The following FUBP3 variants were observed in gnomAD, a reference collection of about 807,000 sequenced individuals.
The protein encoded by FUBP3 is far upstream element binding protein 3.
FUBP3 carries 28 observed loss-of-function variants against 85.6 expected under a neutral mutation model. That is an observed-to-expected ratio of 0.33 (90% confidence interval 0.24 to 0.45). The LOEUF (loss-of-function observed/expected upper bound fraction) is 0.45. Ranked by LOEUF, FUBP3 falls within the 20% of genes least tolerant of loss-of-function variation. FUBP3 has a pLI of 1.00. For missense variants in FUBP3, 583 were observed against 755.1 expected (o/e 0.77, Z 2.67); for synonymous variants, 271 against 271.4 (o/e 1.00, Z 0.01).
In FUBP3 at chr9:130,579,734, C is replaced by T; in HGVS notation, c.54C>T (p.Gly18=). The change falls in exon 1 of 19, where the codon GGC becomes GGT. Residue 18 remains glycine (G), a synonymous_variant. Coordinates refer to ENST00000319725, the MANE Select transcript of FUBP3 (RefSeq NM_003934.2). ...CTCCTGTGGGGATGAAGGCCGAGGG[C>T]TTCGTGGATGCCCTGCACCGGGTCC... ...QSAPVGMKAE[G]FVDALHRVRQ... is the part of the protein sequence containing the mutation. 4 of 1,280,930 alleles carry T rather than the reference C, an allele frequency of 3.1e-6. No individual in the cohort carries two copies. The highest frequency in any genetic ancestry group is 3.0e-6 in the Non-Finnish European group (3 of 1,010,466). 79.3% of individuals were successfully genotyped at this position (1,280,930 alleles called of 1,614,324 possible). A position where few individuals can be genotyped will look rare whatever the true frequency, so the allele number is the denominator to read the frequency against.
chr9:130,586,329 T>C (rs1336911033), intron 1 of FUBP3, among the ~76,000 whole-genome samples: 1 of 152,178 alleles, frequency 6.6e-6, no homozygotes, highest in Admixed American at 6.5e-5. Context: ...TTGTAAGTGG[T>C]TTTATCTTAT....
chr9:130,624,255 A>G, intron 11 of FUBP3, among the ~76,000 whole-genome samples: 1 of 152,254 alleles, frequency 6.6e-6, no homozygotes, highest in East Asian at 1.9e-4. Context: ...CAGCTCTGCC[A>G]TCAGTCATGT....
chr9:130,582,331 A>G (rs1280729708), intron 1 of FUBP3, among the ~76,000 whole-genome samples: 1 of 152,144 alleles, frequency 6.6e-6, no homozygotes, highest in African/African-American at 2.4e-5. Flanking sequence ...CCACCCCTGC[A>G]GTCTCAGCTG....
intron 9 of FUBP3, among the ~76,000 whole-genome samples, chr9:130,621,021 A>C (rs560491404): frequency 6.6e-6 from 1 of 152,244 alleles, no homozygotes; most frequent in South Asian, 2.1e-4. Context: ...ATGGGTACAG[A>C]GTTGTTGGGG....
At chr9:130,591,884 C>A (rs1405074434) in intron 1 of FUBP3, among the ~76,000 whole-genome samples, 1 of 152,158 alleles carries the variant, frequency 6.6e-6, no homozygotes, top group South Asian at 2.1e-4. Flanking sequence ...GAAACTACTA[C>A]ATACGTTAGA....
At chr9:130,589,699 ATATATATTTTTTTTT>A (rs1272405131) in intron 1 of FUBP3, among the ~76,000 whole-genome samples, 1 of 28,610 alleles carries the variant, frequency 3.5e-5, no homozygotes, top group Non-Finnish European at 5.7e-5. Flanking sequence ...ATATATATAT[ATATATATTTTTTTTT>A]TTTTTTTTTT....
intron 2 of FUBP3, among the ~76,000 whole-genome samples, chr9:130,600,505 T>C (rs559295576): frequency 6.6e-6 from 1 of 152,224 alleles, no homozygotes; most frequent in Non-Finnish European, 1.5e-5. Flanking sequence ...AGCTTTTCTT[T>C]CTTTTTTTTA....
chr9:130,597,549 C>T (rs1259841840), intron 2 of FUBP3, among the ~76,000 whole-genome samples: 1 of 152,162 alleles, frequency 6.6e-6, no homozygotes, highest in African/African-American at 2.4e-5. Flanking sequence ...TAGAAGGTGG[C>T]CAGGTAAACA....
intron 10 of FUBP3, 53 bp downstream of exon 10, chr9:130,622,863 AGTGTT>A: frequency 1.5e-5 from 13 of 870,504 alleles, no homozygotes; most frequent in Non-Finnish European, 1.8e-5. Context: ...AAAAATCCTT[AGTGTT>A]AAAAGGATGA....
intron 2 of FUBP3, among the ~76,000 whole-genome samples, chr9:130,596,875 G>A (rs1180536577): frequency 6.6e-6 from 1 of 152,090 alleles, no homozygotes; most frequent in African/African-American, 2.4e-5. Context: ...TGGAAAACGG[G>A]GGTATCCATC....
At chr9:130,594,207 G>A (rs375507397) in intron 1 of FUBP3, among the ~76,000 whole-genome samples, 1 of 152,166 alleles carries the variant, frequency 6.6e-6, no homozygotes, top group Non-Finnish European at 1.5e-5. Context: ...AGCACTTTGC[G>A]AGACTGAGGC....
chr9:130,613,603 C>A (rs1831860387), intron 5 of FUBP3, among the ~76,000 whole-genome samples: 1 of 152,114 alleles, frequency 6.6e-6, no homozygotes, highest in African/African-American at 2.4e-5. Context: ...TGACCTCTTT[C>A]CATTGCAAAG....
At chr9:130,620,118 G>T (rs923587571) in intron 8 of FUBP3, among the ~76,000 whole-genome samples, 3 of 152,176 alleles carry the variant, frequency 2.0e-5, no homozygotes, top group African/African-American at 7.2e-5. Flanking sequence ...CCCAACTGAG[G>T]CTTTTTATAG....
In FUBP3 at chr9:130,630,739, T is replaced by C; in HGVS notation, c.1229T>C (p.Val410Ala). 8 of 1,565,840 alleles carry C rather than the reference T, an allele frequency of 5.1e-6. No individual in the cohort carries two copies. The highest frequency in any genetic ancestry group is 6.9e-6 in the Non-Finnish European group (8 of 1,157,574). ...CTGCGGAGATTCACCATCAGGGGGG[T>C]TCCCCAGCAGATCGAGGTGGCCAGG... ...PNLRRFTIRG[V>A]PQQIEVARQL... Residue 410 changes from valine (V) to alanine (A), a missense_variant, in exon 13 of 19, where the codon GTT (valine) becomes GCT (alanine). Val to Ala is a moderately conservative substitution (Grantham distance 64, BLOSUM62 0). Around this residue, in one of 3 missense-constraint regions of FUBP3, gnomAD observed 404 missense variants for 516.8 expected, o/e 0.78. Coordinates refer to ENST00000319725, the MANE Select transcript of FUBP3 (RefSeq NM_003934.2).
intron 12 of FUBP3, among the ~76,000 whole-genome samples, chr9:130,626,794 T>G (rs1178497776): frequency 6.6e-6 from 1 of 152,152 alleles, no homozygotes; most frequent in Non-Finnish European, 1.5e-5. Context: ...AAAGATACCT[T>G]GCGCAAGATG....
intron 1 of FUBP3, chr9:130,580,753 A>G (rs1369844104): frequency 6.6e-6 from 1 of 152,042 alleles, no homozygotes; most frequent in Non-Finnish European, 1.5e-5. Context: ...AGGGGAGGGA[A>G]CCCTACCTGT....
chr9:130,631,754 G>T (rs1423504118), intron 14 of FUBP3, 124 bp downstream of exon 14: 1 of 870,000 alleles, frequency 1.1e-6, no homozygotes, highest in Non-Finnish European at 1.9e-6. Context: ...GGCAGGACTC[G>T]TTTCTTTTCC....
chr9:130,593,866 C>A (rs1056705593), intron 1 of FUBP3, among the ~76,000 whole-genome samples: 1 of 152,164 alleles, frequency 6.6e-6, no homozygotes, highest in African/African-American at 2.4e-5. Context: ...ATATAATTTC[C>A]TGCTGAGAAC....
chr9:130,596,686 A>G (rs982815957), intron 2 of FUBP3: 7 of 450,804 alleles, frequency 1.6e-5, no homozygotes, highest in Non-Finnish European at 2.7e-5. Context: ...CCTCCAGTTC[A>G]TAGACTTGTT....
Sources: gnomAD v4.1 joint callset for allele counts (sites outside exome capture counted in the v4.1 genomes callset) on GRCh38, gnomAD v4.1.1 for gene constraint, gnomAD v4.1.1 regional missense constraint, MANE v1.5 for transcripts, NCBI Gene and HGNC (gene_info 2026-07-23, HGNC 2026-07-21) for gene names.